ST7: variants seen among roughly 807,000 people sequenced by gnomAD.
The protein encoded by ST7 is suppressor of tumorigenicity 7 protein.
A neutral mutation model predicts 78.7 loss-of-function variants in ST7; 28 were observed. The observed-to-expected ratio is 0.36, with a 90% CI of 0.26 to 0.49. ST7 has a LOEUF of 0.49. Ranked by LOEUF, ST7 falls within the 20% of genes least tolerant of loss-of-function variation. The pLI, the probability that ST7 is intolerant of heterozygous loss-of-function variation, is 0.99. For missense variants in ST7, 418 were observed against 696.0 expected, an observed-to-expected ratio of 0.60 and a Z score of 4.49; for synonymous variants, 247 against 249.6, an observed-to-expected ratio of 0.99 and a Z score of 0.10.
intron 12 of ST7, among the ~76,000 whole-genome samples, chr7:117,195,460 C>T (rs905163998): frequency 6.6e-6 from 1 of 152,054 alleles, no homozygotes; most frequent in Non-Finnish European, 1.5e-5. Context: ...TGTATTAGTC[C>T]ATTCTCATGC....
chr7:117,199,293 T>G (rs1187893162), intron 12 of ST7: 1 of 152,410 alleles, frequency 6.6e-6, no homozygotes, highest in Non-Finnish European at 1.5e-5. Flanking sequence ...AGTGGTTTTT[T>G]GTCTCCCAGC....
intron 1 of ST7, among the ~76,000 whole-genome samples, chr7:116,973,828 T>C (rs1331122148): frequency 6.6e-6 from 1 of 152,230 alleles, no homozygotes; most frequent in Non-Finnish European, 1.5e-5. Context: ...TTAATTGTTA[T>C]ATAGTATTTC....
intron 1 of ST7, among the ~76,000 whole-genome samples, chr7:117,058,845 T>G (rs938197256): frequency 2.6e-5 from 4 of 152,162 alleles, no homozygotes; most frequent in African/African-American, 9.6e-5. Flanking sequence ...ATATACACAA[T>G]GGAGTACGAT....
intron 1 of ST7, among the ~76,000 whole-genome samples, chr7:117,024,284 G>C (rs941039079): frequency 2.0e-5 from 3 of 152,098 alleles, no homozygotes; most frequent in Non-Finnish European, 4.4e-5. Flanking sequence ...TTGCACTGCT[G>C]ACATCTGGTT....
intron 1 of ST7, among the ~76,000 whole-genome samples, chr7:117,077,658 T>C (rs1799447759): frequency 6.6e-6 from 1 of 152,156 alleles, no homozygotes; most frequent in African/African-American, 2.4e-5. Context: ...GACAATTTCA[T>C]TGAGTTTAAC....
At chr7:117,010,211 ATTGAG>A (rs1405464592) in intron 1 of ST7, among the ~76,000 whole-genome samples, 2 of 152,178 alleles carry the variant, frequency 1.3e-5, no homozygotes, top group Non-Finnish European at 2.9e-5. Context: ...GGGTCATGAT[ATTGAG>A]TTGAGTAGCT....
intron 1 of ST7, chr7:116,972,880 T>C: frequency 7.6e-7 from 1 of 1,310,672 alleles, no homozygotes; most frequent in Non-Finnish European, 1.1e-6. Context: ...GATATTGCCC[T>C]TAACCGCCTC....
At chr7:117,090,710 A>T (rs1171252119) in intron 1 of ST7, 1 of 167,136 alleles carries the variant, frequency 6.0e-6, no homozygotes, top group Non-Finnish European at 1.5e-5. Flanking sequence ...TTAAAAATAT[A>T]ATAAGACTTA....
intron 1 of ST7, among the ~76,000 whole-genome samples, chr7:117,051,400 A>C (rs1394719609): frequency 6.6e-6 from 1 of 152,186 alleles, no homozygotes; most frequent in Non-Finnish European, 1.5e-5. Context: ...AAGGAAGAGC[A>C]TTACAGAGAG....
intron 3 of ST7, among the ~76,000 whole-genome samples, chr7:117,127,304 T>G (rs1803931702): frequency 6.6e-6 from 1 of 151,948 alleles, no homozygotes; most frequent in African/African-American, 2.4e-5. Context: ...ATCCTTTGTC[T>G]CTATCACTAA....
intron 1 of ST7, among the ~76,000 whole-genome samples, chr7:116,970,309 T>G (rs1237833565): frequency 5.3e-5 from 8 of 152,218 alleles, no homozygotes; most frequent in Non-Finnish European, 1.2e-4. Context: ...AAGTCCTGAC[T>G]GTTGGGCTAA....
At chr7:117,227,043 G>A (rs558408115) in intron 15 of ST7, among the ~76,000 whole-genome samples, 44 of 152,312 alleles carry the variant, frequency 2.9e-4, no homozygotes, top group African/African-American at 9.9e-4. Flanking sequence ...ATTTTCAGAG[G>A]CTTCACTTTT....
intron 9 of ST7, among the ~76,000 whole-genome samples, chr7:117,158,976 A>G (rs1806920710): frequency 6.6e-6 from 1 of 152,222 alleles, no homozygotes; most frequent in Non-Finnish European, 1.5e-5. Flanking sequence ...CTCAGTAGGA[A>G]TCTGGCTGGC....
chr7:116,982,895 A>G (rs1585088105), intron 1 of ST7, among the ~76,000 whole-genome samples: 1 of 151,872 alleles, frequency 6.6e-6, no homozygotes, highest in East Asian at 1.9e-4. Flanking sequence ...TTTTACATGT[A>G]TATATATATT....
At chr7:117,194,384 T>C (rs1189827853) in intron 12 of ST7, among the ~76,000 whole-genome samples, 1 of 152,220 alleles carries the variant, frequency 6.6e-6, no homozygotes. Flanking sequence ...CTCTTCACTT[T>C]CTCTAAGAAA....
At chr7:116,967,385 C>T in intron 1 of ST7, 1 of 471,240 alleles carries the variant, frequency 2.1e-6, no homozygotes, top group Non-Finnish European at 4.4e-6. Flanking sequence ...GGACTGCTGT[C>T]CCCTCTCCCT....
intron 9 of ST7, among the ~76,000 whole-genome samples, chr7:117,169,821 TTTG>T (rs1256794368): frequency 0.032 from 4,046 of 125,108 alleles, 230 homozygotes; most frequent in African/African-American, 0.14. Flanking sequence ...TTTTTTTTTT[TTTG>T]TCCTGAGTAG....
At chr7:117,064,840 C>G (rs1401980291) in intron 1 of ST7, among the ~76,000 whole-genome samples, 2 of 152,252 alleles carry the variant, frequency 1.3e-5, no homozygotes, top group Admixed American at 6.5e-5. Context: ...TGCCATGGAA[C>G]AGGAGTTGAT....
intron 1 of ST7, among the ~76,000 whole-genome samples, chr7:116,961,794 T>C (rs1792845574): frequency 6.6e-6 from 1 of 151,898 alleles, no homozygotes; most frequent in Non-Finnish European, 1.5e-5. Flanking sequence ...TACTTTAAGT[T>C]CTGGGATACA....
Sources: gnomAD v4.1 joint callset for allele counts (sites outside exome capture counted in the v4.1 genomes callset) on GRCh38, gnomAD v4.1.1 for gene constraint, MANE v1.5 for transcripts, NCBI Gene and HGNC (gene_info 2026-07-23, HGNC 2026-07-21) for gene names.